CDH23: variants seen among roughly 807,000 people sequenced by gnomAD.
CDH23 encodes the protein cadherin related 23, also known as cadherin-23.
CDH23 carries 189 observed loss-of-function variants against 317.1 expected under a neutral mutation model. The ratio of observed to expected loss-of-function variants is 0.60; its 90% confidence interval spans 0.53 to 0.67. CDH23 has a LOEUF of 0.67. Ranked by LOEUF, CDH23 falls within the 30% of genes least tolerant of loss-of-function variation. CDH23 has a pLI of 0.00. For missense variants in CDH23, 4,401 were observed against 4,592.4 expected, an observed-to-expected ratio of 0.96 and a Z score of 1.20; for synonymous variants, 1,839 against 1,876.8, an observed-to-expected ratio of 0.98 and a Z score of 0.52.
intron 57 of CDH23, among the ~76,000 whole-genome samples, chr10:71,806,557 C>CAG (rs1178367004): frequency 2.0e-5 from 3 of 148,350 alleles, no homozygotes; most frequent in African/African-American, 7.4e-5. Flanking sequence ...TACACACACA[C>CAG]AAAGCATGAA....
At chr10:71,715,596 T>C in intron 28 of CDH23, 1 of 222,530 alleles carries the variant, frequency 4.5e-6, no homozygotes. Context: ...AAGGCTTCTG[T>C]GGCGAGCGAG....
At chr10:71,456,818 G>A (rs924481639) in intron 3 of CDH23, among the ~76,000 whole-genome samples, 19 of 152,356 alleles carry the variant, frequency 1.2e-4, no homozygotes, top group Middle Eastern at 3.4e-3. Flanking sequence ...CAGTTGAGGA[G>A]CAGAGGCTCA....
At chr10:71,725,228 A>G (rs1866751291) in intron 29 of CDH23, 144 bp from the exon 30 acceptor site, 4 of 1,461,508 alleles carry the variant, frequency 2.7e-6, no homozygotes, top group Non-Finnish European at 3.8e-6. Context: ...CTTCCTCTCC[A>G]CTGTGAATTC....
intron 11 of CDH23, among the ~76,000 whole-genome samples, chr10:71,622,094 A>G (rs538694211): frequency 4.6e-5 from 7 of 152,096 alleles, no homozygotes; most frequent in African/African-American, 1.4e-4. Flanking sequence ...TTCAAATTAA[A>G]GGTTGTGGCA....
chr10:71,768,402 C>T (rs1318892051), intron 38 of CDH23, among the ~76,000 whole-genome samples: 1 of 152,128 alleles, frequency 6.6e-6, no homozygotes, highest in Non-Finnish European at 1.5e-5. Flanking sequence ...AACTCCTGAC[C>T]TCATGTGATC....
rs1410164359 is a variant in CDH23 at position 71,806,005 on chromosome 10, C to T, written c.8064+8C>T. The T allele has an allele frequency of 1.8e-6, 1 of 553,862 alleles. No individual in the cohort carries two copies. Among genetic ancestry groups the T allele is most frequent in the African/African-American group, 2.2e-5 (1 of 44,518 alleles). The allele number at this position is 553,862 out of a possible 1,614,324, so 34.3% of individuals were successfully genotyped here. Reference sequence around the variant, plus strand: ...TCGCAGGCGGTGTACAGCGTAAGGGCGGGGCCCGGTGCGAGGGGCGGGGTC... The same window carrying T: ...TCGCAGGCGGTGTACAGCGTAAGGGTGGGGCCCGGTGCGAGGGGCGGGGTC... On this transcript the variant is annotated splice_region_variant and intron_variant, in intron 56 of 69. Transcript: ENST00000224721.
chr10:71,474,669 G>A (rs947159180), intron 3 of CDH23, among the ~76,000 whole-genome samples: 10 of 152,218 alleles, frequency 6.6e-5, no homozygotes, highest in Admixed American at 3.9e-4. Flanking sequence ...TGCCACGATC[G>A]TTGCTTTTAA....
At chr10:71,755,063 A>G (rs1273814220) in intron 38 of CDH23, 2 of 551,892 alleles carry the variant, frequency 3.6e-6, no homozygotes, top group Non-Finnish European at 3.5e-6. Flanking sequence ...ACTTGCTTTT[A>G]TAAAGCAACT....
chr10:71,633,434 A>G (rs768869526), intron 11 of CDH23, among the ~76,000 whole-genome samples: 5 of 152,056 alleles, frequency 3.3e-5, no homozygotes, highest in Non-Finnish European at 7.4e-5. Flanking sequence ...CGCCCCAAAG[A>G]TAGGGAATAT....
Position 71,805,799 on chromosome 10 carries a change from C to T in CDH23, c.7873-7C>T. On this transcript the variant is annotated splice_polypyrimidine_tract_variant and splice_region_variant and intron_variant, in intron 55 of 69. Coordinates refer to ENST00000224721, the MANE Select transcript of CDH23 (RefSeq NM_022124.6). Reference sequence around the variant, plus strand: ...TCCAGGAGCCTTCCTCCCCATGCTCCCCACAGGAGATCCCGCTGCGCTCCA... The same window carrying T: ...TCCAGGAGCCTTCCTCCCCATGCTCTCCACAGGAGATCCCGCTGCGCTCCA... 1 of 1,610,424 alleles carries T rather than the reference C, an allele frequency of 6.2e-7. No homozygotes were observed. The highest frequency in any genetic ancestry group is 8.5e-7 in the Non-Finnish European group (1 of 1,178,174).
intron 38 of CDH23, chr10:71,773,540 CTGCGGGCGGCCCCAGCGCCG>C (rs1173493101): frequency 2.5e-6 from 3 of 1,197,646 alleles, no homozygotes; most frequent in Non-Finnish European, 3.5e-6. Context: ...CGAGTGAGCG[CTGCGGGCGGCCCCAGCGCCG>C]TGCTCCAGGC....
intron 11 of CDH23, 97 bp from the exon 12 acceptor site, chr10:71,643,764 C>T: frequency 2.7e-6 from 2 of 742,718 alleles, no homozygotes. Flanking sequence ...CCCAGGGTCT[C>T]ACTGTCTTTT....
At chr10:71,534,290 A>C (rs1489367100) in intron 6 of CDH23, among the ~76,000 whole-genome samples, 1 of 151,974 alleles carries the variant, frequency 6.6e-6, no homozygotes, top group African/African-American at 2.4e-5. Context: ...CAGGCCCCTC[A>C]ACTCCACCAC....
At chr10:71,773,214 A>T in intron 38 of CDH23, 1 of 977,752 alleles carries the variant, frequency 1.0e-6, no homozygotes, top group South Asian at 1.7e-5. Flanking sequence ...TAGGGGTCCC[A>T]GCAGCCTCTG....
At position 71,811,403 on chromosome 10, in the gene CDH23, G is replaced by A; in HGVS notation, c.9166G>A (p.Val3056Ile). 1 of 1,614,000 alleles carries A rather than the reference G, an allele frequency of 6.2e-7. No individual in the cohort carries two copies. The highest frequency in any genetic ancestry group is 8.5e-7 in the Non-Finnish European group (1 of 1,179,902). The change falls in exon 63 of 70, where the codon GTC (valine) becomes ATC (isoleucine). Residue 3056 changes from valine to isoleucine, a missense_variant. Val to Ile is a conservative substitution (Grantham distance 29, BLOSUM62 3). Coordinates refer to ENST00000224721, the MANE Select transcript of CDH23 (RefSeq NM_022124.6). ...CCTGGACGTGCAGCCTGCCATCTCT[G>A]TCCGGCTGCCGGATGACATGTCTGC... ...NVLDVQPAIS[V>I]RLPDDMSALQ...
At chr10:71,551,758 C>T (rs1434802338) in intron 6 of CDH23, among the ~76,000 whole-genome samples, 1 of 152,196 alleles carries the variant, frequency 6.6e-6, no homozygotes, top group East Asian at 1.9e-4. Flanking sequence ...GTCCCTGAAG[C>T]CAGCAGTGGA....
intron 1 of CDH23, among the ~76,000 whole-genome samples, chr10:71,437,833 C>T (rs1207196580): frequency 6.6e-6 from 1 of 152,208 alleles, no homozygotes; most frequent in African/African-American, 2.4e-5. Flanking sequence ...CAGCAGCTGC[C>T]ACTTTTCAAC....
Position 71,774,049 on chromosome 10 carries a change from GCGCACACACACACA to G in CDH23, c.4846-3629_4846-3616del, listed in dbSNP as rs1325593071. ...TGAGGCACCCTGAGTGCATGCGCGC[GCGCACACACACACA>G]CACACACACACACACACACACACAC... On this transcript the variant is annotated intron_variant, in intron 38 of 69. Coordinates refer to ENST00000224721, the MANE Select transcript of CDH23 (RefSeq NM_022124.6). Among the ~76,000 whole-genome samples, 28 of 145,584 alleles carry G rather than the reference GCGCACACACACACA, an allele frequency of 1.9e-4. 1 individual carries two copies. Among genetic ancestry groups the G allele is most frequent in the South Asian group, 1.1e-3 (5 of 4,552 alleles).
intron 3 of CDH23, among the ~76,000 whole-genome samples, chr10:71,464,000 C>G (rs1851133211): frequency 6.6e-6 from 1 of 152,210 alleles, no homozygotes; most frequent in South Asian, 2.1e-4. Context: ...CCTTTTAATC[C>G]TTATGACAAC....
Sources: gnomAD v4.1 joint callset for allele counts (sites outside exome capture counted in the v4.1 genomes callset) on GRCh38, gnomAD v4.1.1 for gene constraint, MANE v1.5 for transcripts, NCBI Gene and HGNC (gene_info 2026-07-23, HGNC 2026-07-21) for gene names.